PRIM2: variants seen among roughly 807,000 people sequenced by gnomAD.
PRIM2 encodes the protein DNA primase subunit 2.
A neutral mutation model predicts 67.3 loss-of-function variants in PRIM2; 39 were observed. That is an observed-to-expected ratio of 0.58 (90% CI 0.45 to 0.76). PRIM2 has a LOEUF of 0.76. Ranked by LOEUF, PRIM2 falls within the 30% of genes least tolerant of loss-of-function variation. The pLI is 0.00. For synonymous variants in PRIM2, 143 were observed against 198.7 expected (o/e 0.72, Z 2.36); for missense variants, 398 against 598.7 (o/e 0.66, Z 3.50).
chr6:57,269,559 A>T, the PRIM2 span, among the ~76,000 whole-genome samples: 1 of 151,802 alleles, frequency 6.6e-6, no homozygotes, highest in Admixed American at 6.6e-5. Flanking sequence ...GATTGCAAAA[A>T]TTTTCTCCCA....
At position 57,352,847 on chromosome 6, in the gene PRIM2, G is replaced by A. The variant is rs188386643; in HGVS notation, c.459+26802G>A. Among the ~76,000 whole-genome samples, 136 of 152,106 alleles carry A rather than the reference G, an allele frequency of 8.9e-4. 1 individual carries two copies. The highest frequency in any genetic ancestry group is 3.1e-3 in the African/African-American group (127 of 41,504). On this transcript the variant is annotated intron_variant, in intron 5 of 13. Transcript: ENST00000615550. ...AGTGTAGAAGGGGAAAAAAAATAGT[G>A]TCATGAATTGAAGTTCATGCTTTTC...
the PRIM2 span, among the ~76,000 whole-genome samples, chr6:57,258,341 G>T: frequency 1.3e-5 from 2 of 151,882 alleles, no homozygotes; most frequent in African/African-American, 4.8e-5. Flanking sequence ...GTCTCATCTA[G>T]TTATGGCTCA....
intron 10 of PRIM2, among the ~76,000 whole-genome samples, chr6:57,583,356 G>C (rs1444956605): frequency 8.7e-6 from 1 of 115,050 alleles, no homozygotes; most frequent in African/African-American, 3.5e-5. Context: ...AGTCCCCAGA[G>C]TGTGATGTTC....
intron 7 of PRIM2, among the ~76,000 whole-genome samples, chr6:57,437,733 T>G (rs572238477): frequency 6.6e-6 from 1 of 151,628 alleles, no homozygotes; most frequent in East Asian, 1.9e-4. Flanking sequence ...AGGTGCGATC[T>G]TGGCTCACTG....
chr6:57,268,542 A>G, the PRIM2 span, among the ~76,000 whole-genome samples: 1 of 152,262 alleles, frequency 6.6e-6, no homozygotes, highest in Non-Finnish European at 1.5e-5. Context: ...GAGTTTTAAA[A>G]AGAATTCTGA....
At chr6:57,466,618 T>C (rs1300097919) in intron 7 of PRIM2, among the ~76,000 whole-genome samples, 1 of 152,252 alleles carries the variant, frequency 6.6e-6, no homozygotes, top group African/African-American at 2.4e-5. Context: ...ATAAATGCCT[T>C]CTTTTGAGAA....
chr6:57,645,358 CACACACACACACAT>C (rs1269914875), intron 13 of PRIM2, among the ~76,000 whole-genome samples: 4 of 141,156 alleles, frequency 2.8e-5, no homozygotes, highest in Non-Finnish European at 6.4e-5. Context: ...CACACACACA[CACACACACACACAT>C]TTGTATTCCA....
At chr6:57,364,285 CT>C (rs1391759874) in intron 5 of PRIM2, among the ~76,000 whole-genome samples, 1 of 152,092 alleles carries the variant, frequency 6.6e-6, no homozygotes, top group African/African-American at 2.4e-5. Flanking sequence ...GGTTGGTTAT[CT>C]TTAACTGGTT....
intron 7 of PRIM2, among the ~76,000 whole-genome samples, chr6:57,463,968 A>C (rs1773097488): frequency 1.3e-5 from 2 of 152,026 alleles, no homozygotes; most frequent in Admixed American, 6.5e-5. Context: ...CTCCTGACAT[A>C]AGATCTTCTT....
intron 10 of PRIM2, among the ~76,000 whole-genome samples, chr6:57,552,144 AC>A (rs1253718859): frequency 1.3e-5 from 2 of 152,322 alleles, no homozygotes; most frequent in South Asian, 2.1e-4. Flanking sequence ...GCAGTGGAGC[AC>A]CAGCACAAGC....
chr6:57,492,500 G>T (rs1286002518), intron 7 of PRIM2, among the ~76,000 whole-genome samples: 1 of 151,196 alleles, frequency 6.6e-6, no homozygotes. Context: ...CCCAGATTAT[G>T]CCACTGCACT....
intron 7 of PRIM2, among the ~76,000 whole-genome samples, chr6:57,439,900 C>T (rs914193275): frequency 2.6e-5 from 4 of 152,102 alleles, no homozygotes; most frequent in African/African-American, 9.7e-5. Flanking sequence ...TTCAGGCTTA[C>T]TTCCTGAATT....
chr6:57,350,396 G>GAAAGAA (rs1768822296), intron 5 of PRIM2, among the ~76,000 whole-genome samples: 5 of 152,140 alleles, frequency 3.3e-5, no homozygotes, highest in Admixed American at 2.6e-4. Flanking sequence ...ACATTTTGAT[G>GAAAGAA]ATGTTAGTGT....
intron 7 of PRIM2, among the ~76,000 whole-genome samples, chr6:57,413,951 T>C (rs1416843344): frequency 1.3e-5 from 2 of 152,210 alleles, no homozygotes; most frequent in East Asian, 1.9e-4. Context: ...AAAATTTAAG[T>C]GTTAGACAAG....
At chr6:57,515,059 C>T (rs1331424346) in intron 8 of PRIM2, among the ~76,000 whole-genome samples, 1 of 152,176 alleles carries the variant, frequency 6.6e-6, no homozygotes, top group African/African-American at 2.4e-5. Flanking sequence ...ATGCAACCAA[C>T]ACTAAGCTTC....
chr6:57,450,067 A>G (rs1006588442), intron 7 of PRIM2, among the ~76,000 whole-genome samples: 3 of 152,182 alleles, frequency 2.0e-5, no homozygotes, highest in Non-Finnish European at 4.4e-5. Context: ...AAATTTATAC[A>G]ATCTTTAAAA....
At chr6:57,239,407 CCTT>C in the PRIM2 span, among the ~76,000 whole-genome samples, 1 of 152,016 alleles carries the variant, frequency 6.6e-6, no homozygotes, top group Non-Finnish European at 1.5e-5. Flanking sequence ...TTTCTCCTCT[CCTT>C]CTAGTTTTAC....
At chr6:57,536,705 G>A (rs1775009414) in intron 9 of PRIM2, among the ~76,000 whole-genome samples, 1 of 152,166 alleles carries the variant, frequency 6.6e-6, no homozygotes, top group Non-Finnish European at 1.5e-5. Context: ...AGGGAATTCT[G>A]CTGAGTAAAA....
At chr6:57,453,469 C>T (rs1421777348) in intron 7 of PRIM2, among the ~76,000 whole-genome samples, 28 of 151,940 alleles carry the variant, frequency 1.8e-4, no homozygotes, top group Non-Finnish European at 2.8e-4. Context: ...CATTGAGCAG[C>T]AGTTTGTAGT....
Sources: allele counts gnomAD v4.1 joint callset (sites outside exome capture counted in the v4.1 genomes callset), GRCh38; gene constraint gnomAD v4.1.1; transcripts MANE v1.5; gene names NCBI Gene and HGNC (gene_info 2026-07-23, HGNC 2026-07-21).